The following OLA1 variants were observed in gnomAD, a reference collection of about 807,000 sequenced individuals.
The protein encoded by OLA1 is Obg like ATPase 1.
Under a neutral mutation model 48.4 loss-of-function variants are expected in OLA1, and 14 were observed. The ratio of observed to expected loss-of-function variants is 0.29; its 90% confidence interval spans 0.19 to 0.45. OLA1 has a LOEUF of 0.45. Ranked by LOEUF, OLA1 falls within the 20% of genes least tolerant of loss-of-function variation. The probability of loss-of-function intolerance (pLI) is 1.00; values close to 1 mark genes in which losing one functional copy is unlikely to be tolerated. For missense variants in OLA1, 325 were observed against 467.1 expected, an observed-to-expected ratio of 0.70 and a Z score of 2.80; for synonymous variants, 127 against 150.4, an observed-to-expected ratio of 0.84 and a Z score of 1.14.
At chr2:174,184,390 G>T (rs1482002132) in intron 4 of OLA1, among the ~76,000 whole-genome samples, 1 of 152,096 alleles carries the variant, frequency 6.6e-6, no homozygotes, top group African/African-American at 2.4e-5. Flanking sequence ...CCAGTTTAAT[G>T]ATGAGGAAGA....
chr2:174,225,859 G>A (rs1439535257), intron 3 of OLA1, among the ~76,000 whole-genome samples: 2 of 152,138 alleles, frequency 1.3e-5, no homozygotes, highest in African/African-American at 4.8e-5. Flanking sequence ...GAGGAAACTA[G>A]ACAGGAAGAT....
chr2:174,228,626 T>C (rs1688663144), intron 3 of OLA1, among the ~76,000 whole-genome samples: 1 of 152,186 alleles, frequency 6.6e-6, no homozygotes. Flanking sequence ...AATACATGCT[T>C]ATTGTAAAAA....
chr2:174,179,331 T>TTA (rs2105412282), intron 4 of OLA1, among the ~76,000 whole-genome samples: 1 of 152,010 alleles, frequency 6.6e-6, no homozygotes, highest in Admixed American at 6.5e-5. Flanking sequence ...CTCAAAATAG[T>TTA]TATGCATGAG....
At chr2:174,235,758 A>T (rs141751193) in intron 2 of OLA1, among the ~76,000 whole-genome samples, 1 of 152,186 alleles carries the variant, frequency 6.6e-6, no homozygotes, top group Non-Finnish European at 1.5e-5. Context: ...AGAGCTGCAG[A>T]GGGTCCCCTC....
chr2:174,099,172 T>C (rs1184037659), intron 7 of OLA1, among the ~76,000 whole-genome samples: 1 of 152,024 alleles, frequency 6.6e-6, no homozygotes, highest in Non-Finnish European at 1.5e-5. Context: ...TTTTTTTTTT[T>C]TTGAGACGGA....
Position 174,144,949 on chromosome 2 carries a change from AAAATAT to A in OLA1, c.374-2955_374-2950del, listed in dbSNP as rs1216188113. Among the ~76,000 whole-genome samples, 71 of 57,138 alleles carry A rather than the reference AAAATAT, an allele frequency of 1.2e-3. 1 individual carries two copies. Among genetic ancestry groups the A allele is most frequent in the African/African-American group, 3.9e-3 (68 of 17,324 alleles). The allele number at this position is 57,138 out of a possible 152,430, so 37.5% of individuals were successfully genotyped here. A position where few individuals can be genotyped will look rare whatever the true frequency, so the allele number is the denominator to read the frequency against. The stretch of plus-strand genomic sequence containing the variant: ...CCTGTTTAAAAAAAAAAAAAAAAAA[AAAATAT>A]ATATATATATATATATATATATATA... On this transcript the variant is annotated intron_variant, in intron 4 of 10. Transcript: ENST00000284719.
intron 5 of OLA1, among the ~76,000 whole-genome samples, chr2:174,139,288 C>T (rs1686383349): frequency 6.6e-6 from 1 of 152,212 alleles, no homozygotes; most frequent in Non-Finnish European, 1.5e-5. Context: ...TGGAGTTCTG[C>T]TGTCACAAGG....
intron 3 of OLA1, among the ~76,000 whole-genome samples, chr2:174,225,207 C>T (rs1482450788): frequency 1.3e-5 from 2 of 152,132 alleles, no homozygotes; most frequent in Non-Finnish European, 2.9e-5. Flanking sequence ...CTTGCTCCCC[C>T]TGTCTCCATG....
At chr2:174,192,904 G>A (rs1300053095) in intron 4 of OLA1, among the ~76,000 whole-genome samples, 1 of 151,836 alleles carries the variant, frequency 6.6e-6, no homozygotes, top group Non-Finnish European at 1.5e-5. Flanking sequence ...TTTTCTCCGG[G>A]TGCCTTAGAG....
chr2:174,083,114 G>A (rs1366471189), intron 7 of OLA1, among the ~76,000 whole-genome samples: 1 of 152,064 alleles, frequency 6.6e-6, no homozygotes, highest in African/African-American at 2.4e-5. Flanking sequence ...AGTTTAGTGT[G>A]AGACTATACA....
intron 3 of OLA1, among the ~76,000 whole-genome samples, chr2:174,226,561 G>A (rs1407172225): frequency 2.6e-5 from 4 of 151,584 alleles, no homozygotes; most frequent in African/African-American, 4.9e-5. Flanking sequence ...GTGTAATGGC[G>A]CCATCTTGGC....
At chr2:174,111,250 A>G (rs1283535268) in intron 7 of OLA1, among the ~76,000 whole-genome samples, 3 of 152,242 alleles carry the variant, frequency 2.0e-5, no homozygotes, top group African/African-American at 7.2e-5. Context: ...TCCGATAGGT[A>G]TAAGTTTCTG....
intron 4 of OLA1, among the ~76,000 whole-genome samples, chr2:174,211,736 G>C (rs1688248768): frequency 1.3e-5 from 2 of 152,098 alleles, no homozygotes; most frequent in African/African-American, 4.8e-5. Context: ...TTATAGTACA[G>C]GGCTTGGCTG....
Position 174,229,383 on chromosome 2 carries a change from A to G in OLA1, c.170T>C (p.Ile57Thr). The G allele has an allele frequency of 6.2e-7, 1 of 1,612,578 alleles. No individual in the cohort carries two copies. Among genetic ancestry groups the G allele is most frequent in the Non-Finnish European group, 8.5e-7 (1 of 1,178,880 alleles). Residue 57 changes from isoleucine (I) to threonine (T), a missense_variant, in exon 3 of 11, where the codon ATT becomes ACT. Ile to Thr is a moderately conservative substitution (Grantham distance 89). Coordinates refer to ENST00000284719, the MANE Select transcript of OLA1 (RefSeq NM_013341.5). ...AGGTACTCTGCTCTCATTAGGATCA[A>G]TAGTGCAGAACGGGAAGTTTTCTGC... The part of the protein sequence containing the change: ...ASAENFPFCT[I>T]DPNESRVPVP...
At position 174,247,922 on chromosome 2, in the gene OLA1, T is replaced by G. The variant is rs1272395972; in HGVS notation, c.-1+530A>C. The G allele has an allele frequency of 7.2e-6, 7 of 977,158 alleles. No homozygotes were observed. In the African/African-American group the frequency reaches 1.1e-4, roughly 16 times the overall value. 60.5% of individuals were successfully genotyped at this position (977,158 alleles called of 1,614,324 possible). On this transcript the variant is annotated intron_variant, in intron 1 of 10. Transcript: ENST00000284719. ...AATCACAAAGACCGCTAAGCTCACG[T>G]CTCAGAAGCTGGGAACTAAAACTGT...
intron 7 of OLA1, among the ~76,000 whole-genome samples, chr2:174,090,924 A>C (rs1283711719): frequency 6.6e-6 from 1 of 152,072 alleles, no homozygotes; most frequent in Non-Finnish European, 1.5e-5. Context: ...CCTTCCCTGA[A>C]CTCCCATGTG....
chr2:174,184,269 T>A (rs779691530), intron 4 of OLA1, among the ~76,000 whole-genome samples: 4 of 152,150 alleles, frequency 2.6e-5, no homozygotes, highest in Non-Finnish European at 4.4e-5. Flanking sequence ...TGACCAACAT[T>A]ACCTTAACCA....
At chr2:174,117,120 T>C (rs553882919) in intron 7 of OLA1, among the ~76,000 whole-genome samples, 1 of 152,330 alleles carries the variant, frequency 6.6e-6, no homozygotes, top group East Asian at 1.9e-4. Context: ...CTCACTGTTA[T>C]ATTTATACAT....
At chr2:174,144,744 G>A (rs1486342865) in intron 4 of OLA1, among the ~76,000 whole-genome samples, 3 of 150,952 alleles carry the variant, frequency 2.0e-5, no homozygotes, top group Admixed American at 6.6e-5. Context: ...CCTGAGCTCA[G>A]GAGTTTGAGA....
Sources: allele counts gnomAD v4.1 joint callset (sites outside exome capture counted in the v4.1 genomes callset), GRCh38; gene constraint gnomAD v4.1.1; transcripts MANE v1.5; gene names NCBI Gene and HGNC (gene_info 2026-07-23, HGNC 2026-07-21).